The following UNC79 variants were observed in gnomAD, a reference collection of about 807,000 sequenced individuals.
The protein encoded by UNC79 is protein unc-79 homolog.
UNC79 carries 37 observed loss-of-function variants against 283.1 expected under a neutral mutation model. The ratio of observed to expected loss-of-function variants is 0.13; its 90% CI spans 0.10 to 0.17. The LOEUF (loss-of-function observed/expected upper bound fraction) is 0.17, where lower values mean the gene tolerates loss of function less well. UNC79 is among the 10% of genes least tolerant of loss of function. The pLI, the probability that UNC79 is intolerant of heterozygous loss-of-function variation, is 1.00. For missense variants in UNC79, 2,272 were observed against 3,211.1 expected (o/e 0.71, Z 7.07); for synonymous variants, 1,107 against 1,200.2 (o/e 0.92, Z 1.61).
At chr14:93,337,974 C>T (rs563952407) in intron 1 of UNC79, among the ~76,000 whole-genome samples, 16 of 152,248 alleles carry the variant, frequency 1.1e-4, no homozygotes, top group African/African-American at 3.9e-4. Context: ...CCCACCTCAC[C>T]CCAGCAGCCA....
intron 22 of UNC79, among the ~76,000 whole-genome samples, chr14:93,590,067 A>G (rs1316046446): frequency 1.3e-5 from 2 of 152,114 alleles, no homozygotes; most frequent in African/African-American, 2.4e-5. Flanking sequence ...CCTCACTCCA[A>G]TCTTTGCCAC....
intron 11 of UNC79, among the ~76,000 whole-genome samples, chr14:93,536,761 G>A (rs1420280988): frequency 6.8e-6 from 1 of 146,048 alleles, no homozygotes; most frequent in African/African-American, 2.5e-5. Context: ...TCCTTAGAAG[G>A]CACCCCCCAC....
intron 30 of UNC79, among the ~76,000 whole-genome samples, chr14:93,628,522 T>G (rs1291369228): frequency 5.3e-5 from 8 of 152,228 alleles, no homozygotes; most frequent in Non-Finnish European, 7.3e-5. Context: ...TACAATAATT[T>G]ATTCACTTTT....
Position 93,476,830 on chromosome 14 carries a change from G to A in UNC79, c.449-728G>A, listed in dbSNP as rs140097531. 7.4e-3 allele frequency among the ~76,000 whole-genome samples: 1,125 copies of A among 152,162 alleles called. 14 individuals are homozygous for A. Among genetic ancestry groups the A allele is most frequent in the African/African-American group, 0.025 (1,057 of 41,516 alleles). On this transcript the variant is annotated intron_variant, in intron 3 of 48. Transcript: ENST00000555664. ...TCTCCTTTATTTTTATTCTTGTGCA[G>A]GTAATAATAATAGTAACTGTTAATA...
intron 7 of UNC79, among the ~76,000 whole-genome samples, chr14:93,518,459 A>G (rs2060173151): frequency 6.7e-6 from 1 of 150,090 alleles, no homozygotes; most frequent in Non-Finnish European, 1.5e-5. Context: ...TTTGTCCATC[A>G]GGATGCTGGG....
chr14:93,344,342 C>T (rs1378264842), intron 1 of UNC79, among the ~76,000 whole-genome samples: 1 of 152,140 alleles, frequency 6.6e-6, no homozygotes, highest in African/African-American at 2.4e-5. Flanking sequence ...AAATGCAGCA[C>T]CACCTAGTTT....
At chr14:93,668,155 T>C (rs1049016524) in intron 40 of UNC79, among the ~76,000 whole-genome samples, 7 of 152,114 alleles carry the variant, frequency 4.6e-5, no homozygotes, top group African/African-American at 1.7e-4. Flanking sequence ...TCCCATTCAG[T>C]TCTGCAAGAC....
In UNC79 at chr14:93,600,777, A is replaced by G. The variant is rs780137921; in HGVS notation, c.3574+7A>G. 1 of 1,610,412 alleles carries G rather than the reference A, an allele frequency of 6.2e-7. No individual in the cohort carries two copies. On this transcript the variant is annotated splice_region_variant and intron_variant, in intron 25 of 48. Transcript: ENST00000555664. ...GAATTTCCTTTTCCTACAAGTAAGT[A>G]AAATGAAGAACTTGCTGTAAACCGT...
chr14:93,333,258 G>T, exon 1 of UNC79: 2 of 402,388 alleles, frequency 5.0e-6, no homozygotes, highest in Non-Finnish European at 8.7e-6. Context: ...TCGGGTCGCT[G>T]GGAGTTTGCC....
intron 48 of UNC79, among the ~76,000 whole-genome samples, chr14:93,705,801 G>T (rs762290326): frequency 6.6e-6 from 1 of 152,222 alleles, no homozygotes; most frequent in Non-Finnish European, 1.5e-5. Context: ...AAGCTGGAAA[G>T]TTTTTTGCTG....
chr14:93,629,883 A>T (rs887716713), intron 30 of UNC79, among the ~76,000 whole-genome samples: 1 of 152,256 alleles, frequency 6.6e-6, no homozygotes, highest in African/African-American at 2.4e-5. Context: ...ACTCCAAGCC[A>T]GCAAGATGCT....
At chr14:93,469,070 TC>T (rs1192380192) in intron 2 of UNC79, among the ~76,000 whole-genome samples, 8 of 152,238 alleles carry the variant, frequency 5.3e-5, no homozygotes, top group Admixed American at 5.2e-4. Context: ...GAGACACTTT[TC>T]AGTAGGAAGC....
chr14:93,411,538 C>T (rs2055336170), intron 1 of UNC79, among the ~76,000 whole-genome samples: 2 of 152,228 alleles, frequency 1.3e-5, no homozygotes, highest in South Asian at 4.1e-4. Flanking sequence ...TAGTGGTGAC[C>T]ACAGTGGGGG....
exon 1 of UNC79, chr14:93,333,413 G>A: frequency 2.5e-6 from 1 of 398,678 alleles, no homozygotes; most frequent in Non-Finnish European, 4.4e-6. Context: ...TCCCTCGGGT[G>A]GTCGCATGCA....
chr14:93,579,201 C>T (rs2063641382), intron 18 of UNC79, among the ~76,000 whole-genome samples: 1 of 152,118 alleles, frequency 6.6e-6, no homozygotes, highest in Admixed American at 6.6e-5. Context: ...ATAATAATGT[C>T]CCATTACTGT....
At chr14:93,596,225 G>A (rs547840984) in intron 23 of UNC79, among the ~76,000 whole-genome samples, 2 of 152,338 alleles carry the variant, frequency 1.3e-5, no homozygotes, top group African/African-American at 4.8e-5. Flanking sequence ...ATATGCAAAT[G>A]AGTAGTACTT....
At chr14:93,556,433 C>CA (rs1449852533) in intron 14 of UNC79, among the ~76,000 whole-genome samples, 1 of 152,116 alleles carries the variant, frequency 6.6e-6, no homozygotes, top group East Asian at 1.9e-4. Flanking sequence ...CCCCAAAAGT[C>CA]AAAAAGATCA....
At chr14:93,582,813 A>C (rs1195940924) in intron 20 of UNC79, among the ~76,000 whole-genome samples, 1 of 152,050 alleles carries the variant, frequency 6.6e-6, no homozygotes, top group Non-Finnish European at 1.5e-5. Context: ...GGGTGGACGC[A>C]ATGGGGGCAG....
chr14:93,695,017 C>T (rs969241060), intron 47 of UNC79, among the ~76,000 whole-genome samples: 3 of 152,004 alleles, frequency 2.0e-5, no homozygotes, highest in South Asian at 2.1e-4. Flanking sequence ...TCCCTGGATA[C>T]CCTCCTCTCA....
Sources: gnomAD v4.1 joint callset for allele counts (sites outside exome capture counted in the v4.1 genomes callset) on GRCh38, gnomAD v4.1.1 for gene constraint, MANE v1.5 for transcripts, NCBI Gene and HGNC (gene_info 2026-07-23, HGNC 2026-07-21) for gene names.